SARDH: variants seen among roughly 807,000 people sequenced by gnomAD.
SARDH encodes the protein sarcosine dehydrogenase, mitochondrial.
In SARDH, 95 loss-of-function variants were observed where a neutral mutation model predicts 109.1. The ratio of observed to expected loss-of-function variants is 0.87; its 90% CI spans 0.74 to 1.03. The LOEUF is 1.03. Ranked by LOEUF, SARDH falls within the 50% of genes least tolerant of loss-of-function variation. The pLI, the probability that SARDH is intolerant of heterozygous loss-of-function variation, is 0.00. For synonymous variants in SARDH, 572 were observed against 534.8 expected (o/e 1.07, Z -0.96); for missense variants, 1,267 against 1,287.8 (o/e 0.98, Z 0.25).
At chr9:133,661,198 GGCTGTGGTGGTGCGCGTTTGTAATCCTA>G, downstream of SARDH, among the ~76,000 whole-genome samples, 1 of 152,106 alleles carries the variant, frequency 6.6e-6, no homozygotes, top group Non-Finnish European at 1.5e-5. Flanking sequence ...AAATTAGCCA[GGCTGTGGTGGTGCGCGTTTGTAATCCTA>G]GCTATTTGGG....
At chr9:133,683,559 C>G (rs1830775797) in intron 17 of SARDH, among the ~76,000 whole-genome samples, 3 of 152,278 alleles carry the variant, frequency 2.0e-5, no homozygotes, top group Admixed American at 2.0e-4. Flanking sequence ...GAGTGCCCAC[C>G]CTCTCTGGTC....
At chr9:133,696,076 AC>A (rs1215538019) in intron 14 of SARDH, 146 bp downstream of exon 14, 14 of 777,278 alleles carry the variant, frequency 1.8e-5, no homozygotes, top group South Asian at 8.7e-5. Context: ...AGGGGGCCGG[AC>A]GGGGGGGAGC....
intron 15 of SARDH, among the ~76,000 whole-genome samples, chr9:133,691,254 A>C (rs1221773259): frequency 6.9e-6 from 1 of 144,374 alleles, no homozygotes. Context: ...TGGCCCCCCC[A>C]GTCTGCAGCC....
chr9:133,730,281 C>T, intron 4 of SARDH, 94 bp from the exon 5 acceptor site: 1 of 1,478,300 alleles, frequency 6.8e-7, no homozygotes, highest in Non-Finnish European at 9.2e-7. Context: ...CAGAGGGGAG[C>T]TGGGGACACT....
At position 133,731,450 on chromosome 9, in the gene SARDH, A is replaced by G. The variant is rs757137031; in HGVS notation, c.545T>C (p.Leu182Pro). ...GKAYGVESHV[L>P]SPAETKTLYP... is the part of the protein sequence containing the mutation. Reference sequence around the variant, plus strand: ...CAGAGTCTTGGTCTCTGCCGGGCTCAGCACATGGGATTCCACACCATACGC... The same window carrying G: ...CAGAGTCTTGGTCTCTGCCGGGCTCGGCACATGGGATTCCACACCATACGC... Residue 182 changes from leucine to proline, a missense_variant, in exon 4 of 21, where the codon CTG (leucine) becomes CCG (proline). Physicochemically the swap from Leu to Pro is moderately conservative, Grantham distance 98. Transcript: ENST00000439388. The G allele has an allele frequency of 1.2e-6, 2 of 1,614,002 alleles. No homozygotes were observed. The highest frequency in any genetic ancestry group is 1.7e-6 in the Non-Finnish European group (2 of 1,180,014).
Position 133,696,260 on chromosome 9 carries a change from G to T in SARDH, c.1770C>A (p.Ala590=). The T allele has an allele frequency of 1.2e-6, 2 of 1,614,120 alleles. No individual in the cohort carries two copies. Among genetic ancestry groups the T allele is most frequent in the Non-Finnish European group, 1.7e-6 (2 of 1,180,036 alleles). ...TGACATCTGCGGAGAAGAGCCAGTCGGCAGCCTTCCTTGCATCCAGCCCCA... is the reference window on the plus strand; with the variant it reads ...TGACATCTGCGGAGAAGAGCCAGTCTGCAGCCTTCCTTGCATCCAGCCCCA... ...YLVGLDARKA[A]DWLFSADVSR... Residue 590 remains alanine, a synonymous_variant, in exon 14 of 21, where the codon GCC becomes GCA. Transcript: ENST00000439388.
chr9:133,725,880 T>G (rs1385599851), intron 6 of SARDH, among the ~76,000 whole-genome samples: 1 of 152,066 alleles, frequency 6.6e-6, no homozygotes, highest in Non-Finnish European at 1.5e-5. Context: ...GAACTGGAGA[T>G]GAGCACAGGG....
rs1329875971 is a variant in SARDH, at chr9:133,686,120, T to C, written c.2070-834A>G. Among the ~76,000 whole-genome samples the C allele has an allele frequency of 1.3e-5, 2 of 152,142 alleles. No individual in the cohort carries two copies. The highest frequency in any genetic ancestry group is 3.9e-4 in the East Asian group (2 of 5,190). On this transcript the variant is annotated intron_variant, in intron 16 of 20. Coordinates refer to ENST00000439388, the MANE Select transcript of SARDH (RefSeq NM_001134707.2). The surrounding 1 kb of genome is among the most constrained non-coding windows in gnomAD (Gnocchi z 4.0). ...TCCTGAGCACTGGACACTCAGTCCA[T>C]ACTGGACAGTTTGCACAGACTTGCT... is the stretch of plus-strand genomic sequence containing the variant.
Position 133,718,845 on chromosome 9 carries a change from G to T in SARDH, c.1020+93C>A. 9.9e-7 allele frequency: 1 copy of T among 1,007,592 alleles called. No homozygotes were observed. The highest frequency in any genetic ancestry group is 1.6e-6 in the Non-Finnish European group (1 of 627,386). The allele number at this position is 1,007,592 out of a possible 1,614,324, so 62.4% of individuals were successfully genotyped here. On this transcript the variant is annotated intron_variant, in intron 7 of 20. Coordinates refer to ENST00000439388, the MANE Select transcript of SARDH (RefSeq NM_001134707.2). This position sits in a 1 kb window ranked among gnomAD's most constrained non-coding sequence, Gnocchi z 4.2. The stretch of plus-strand genomic sequence containing the variant: ...CACTTCTCAGGTGTGCCTCTGAGGA[G>T]CTTCAGGAGGATGGACTTCCTGAAA...
intron 14 of SARDH, among the ~76,000 whole-genome samples, chr9:133,695,120 G>C (rs1359718731): frequency 6.6e-6 from 1 of 152,188 alleles, no homozygotes; most frequent in African/African-American, 2.4e-5. Context: ...AGGTTAAAGT[G>C]AGGTCATGAG....
At chr9:133,681,137 G>A (rs529574457) in intron 17 of SARDH, among the ~76,000 whole-genome samples, 11 of 152,294 alleles carry the variant, frequency 7.2e-5, no homozygotes, top group South Asian at 4.1e-4. Flanking sequence ...CCTCAGCACC[G>A]GGGACATCTG....
intron 8 of SARDH, among the ~76,000 whole-genome samples, chr9:133,714,777 A>G (rs1051484225): frequency 1.3e-5 from 2 of 152,094 alleles, no homozygotes; most frequent in African/African-American, 4.8e-5. Flanking sequence ...AAGACCTTTA[A>G]AAAAGGGGGG....
At position 133,735,502 on chromosome 9, in the gene SARDH, C is replaced by A. The variant is rs538764239; in HGVS notation, c.-30-1299G>T. Among the ~76,000 whole-genome samples, 5 of 152,330 alleles carry A rather than the reference C, an allele frequency of 3.3e-5. 1 individual carries two copies. In the South Asian group the frequency reaches 1.0e-3, roughly 32 times the overall value. On this transcript the variant is annotated intron_variant, in intron 1 of 20. Coordinates refer to ENST00000439388, the MANE Select transcript of SARDH (RefSeq NM_001134707.2). ...GATGTCTCCTTGGGTGCAGGCGAGGCAGGACAGGCAGTCAAAGGAGTCACC... is the reference window on the plus strand; with the variant it reads ...GATGTCTCCTTGGGTGCAGGCGAGGAAGGACAGGCAGTCAAAGGAGTCACC...
chr9:133,707,733 G>A (rs916572540), intron 11 of SARDH, among the ~76,000 whole-genome samples: 4 of 152,158 alleles, frequency 2.6e-5, no homozygotes, highest in Admixed American at 6.5e-5. Flanking sequence ...GAATGGAGAC[G>A]GGGCTGGGAG....
chr9:133,706,823 C>T (rs1313370986), intron 11 of SARDH, among the ~76,000 whole-genome samples: 4 of 152,108 alleles, frequency 2.6e-5, no homozygotes, highest in African/African-American at 4.8e-5. Flanking sequence ...CCAGATGGCC[C>T]GCTGAGGGTC....
intron 17 of SARDH, among the ~76,000 whole-genome samples, chr9:133,677,253 A>G (rs1298775716): frequency 6.6e-6 from 1 of 152,034 alleles, no homozygotes; most frequent in Non-Finnish European, 1.5e-5. Flanking sequence ...CTTCGAACAT[A>G]ACTGTCAGCC....
At position 133,686,334 on chromosome 9, in the gene SARDH, C is replaced by T. The variant is rs569765681; in HGVS notation, c.2070-1048G>A. 3.4e-4 allele frequency among the ~76,000 whole-genome samples: 51 copies of T among 152,188 alleles called. No individual in the cohort carries two copies. The highest frequency in any genetic ancestry group is 1.2e-3 in the African/African-American group (48 of 41,504). The stretch of plus-strand genomic sequence containing the variant: ...ACCGTGCCCACCTCCAGGCCTAGCC[C>T]TCTTGTGCCCCTTCGCATTCTCACC... On this transcript the variant is annotated intron_variant, in intron 16 of 20. Transcript: ENST00000439388. The surrounding 1 kb of genome is among the most constrained non-coding windows in gnomAD (Gnocchi z 4.0).
At chr9:133,667,853 C>T (rs1378067733) in intron 19 of SARDH, among the ~76,000 whole-genome samples, 15 of 152,224 alleles carry the variant, frequency 9.9e-5, no homozygotes, top group African/African-American at 2.9e-4. Flanking sequence ...CTGTTCTCCA[C>T]GTGAGGACGC....
intron 16 of SARDH, 37 bp from the exon 17 acceptor site, chr9:133,685,323 C>T (rs1294720528): frequency 6.3e-7 from 1 of 1,588,920 alleles, no homozygotes; most frequent in Admixed American, 1.7e-5. Context: ...TCAGCAAGTG[C>T]TCACGGGTGG....
Sources: allele counts gnomAD v4.1 joint callset (sites outside exome capture counted in the v4.1 genomes callset), GRCh38; gene constraint gnomAD v4.1.1; non-coding constraint Gnocchi (gnomAD v3.1); transcripts MANE v1.5; gene names NCBI Gene and HGNC (gene_info 2026-07-23, HGNC 2026-07-21).